Variants in SSH2 observed in about 807,000 individuals in gnomAD.
SSH2 encodes protein phosphatase Slingshot homolog 2.
A neutral mutation model predicts 135.2 loss-of-function variants in SSH2; 37 were observed. The observed-to-expected ratio is 0.27, with a 90% CI of 0.21 to 0.36. The LOEUF is 0.36. SSH2 is among the 10% of genes least tolerant of loss of function. SSH2 has a pLI of 1.00. For synonymous variants in SSH2, 628 were observed against 646.2 expected, an observed-to-expected ratio of 0.97 and a Z score of 0.43; for missense variants, 1,408 against 1,765.3, an observed-to-expected ratio of 0.80 and a Z score of 3.63.
At chr17:29,646,555 A>T (rs2036375820) in intron 14 of SSH2, among the ~76,000 whole-genome samples, 1 of 152,152 alleles carries the variant, frequency 6.6e-6, no homozygotes, top group Admixed American at 6.5e-5. Flanking sequence ...GCCGGAGTGC[A>T]GTGGCGCGAT....
intron 3 of SSH2, chr17:29,716,695 AT>A (rs2039637204): frequency 1.6e-6 from 1 of 618,968 alleles, no homozygotes; most frequent in Non-Finnish European, 3.1e-6. Context: ...TTTTTGGTGA[AT>A]TACTGGAAGA....
At chr17:29,668,468 T>C (rs2037362816) in intron 9 of SSH2, among the ~76,000 whole-genome samples, 1 of 152,228 alleles carries the variant, frequency 6.6e-6, no homozygotes, top group Non-Finnish European at 1.5e-5. Context: ...CAGTGGTTAA[T>C]GCATGTAATC....
In SSH2 at chr17:29,714,152, C is replaced by G. The variant is rs373533627; in HGVS notation, c.189-11090G>C. On this transcript the variant is annotated intron_variant, in intron 3 of 15. Coordinates refer to ENST00000540801, the MANE Select transcript of SSH2 (RefSeq NM_001282129.2). ...CTGTCTGGACTCAAAAGTAAATGAC[C>G]TGAAAAGTTCTTTCTTAGTATTTAA... is the stretch of plus-strand genomic sequence containing the variant. Among the ~76,000 whole-genome samples the G allele has an allele frequency of 1.9e-4, 29 of 152,050 alleles. No homozygotes were observed. The East Asian group carries it at 5.4e-3, about 28-fold the overall frequency.
At chr17:29,648,533 A>G (rs574396240) in intron 13 of SSH2, among the ~76,000 whole-genome samples, 189 bp from the exon 14 acceptor site, 59 of 152,330 alleles carry the variant, frequency 3.9e-4, no homozygotes, top group African/African-American at 1.3e-3. Flanking sequence ...GAGGCAGCTC[A>G]CTACTAATTA....
intron 11 of SSH2, among the ~76,000 whole-genome samples, chr17:29,664,185 G>A (rs1412312118): frequency 2.0e-5 from 3 of 151,952 alleles, no homozygotes; most frequent in African/African-American, 7.3e-5. Flanking sequence ...CAGTCTGGCC[G>A]ACATAATGAA....
At chr17:29,871,553 T>C (rs2065936852) in intron 1 of SSH2, among the ~76,000 whole-genome samples, 1 of 152,238 alleles carries the variant, frequency 6.6e-6, no homozygotes, top group Non-Finnish European at 1.5e-5. Flanking sequence ...AAAGATACAC[T>C]GTTCTATTTA....
intron 2 of SSH2, among the ~76,000 whole-genome samples, chr17:29,823,401 C>A (rs928587093): frequency 6.6e-6 from 1 of 152,168 alleles, no homozygotes; most frequent in Admixed American, 6.5e-5. Context: ...GACCCTTGCA[C>A]TGGGCTAATG....
chr17:29,886,331 C>T (rs1025037415), intron 1 of SSH2, among the ~76,000 whole-genome samples: 1 of 152,126 alleles, frequency 6.6e-6, no homozygotes, highest in Non-Finnish European at 1.5e-5. Flanking sequence ...AGCAAAGAGA[C>T]TGGTGGCATT....
Position 29,672,009 on chromosome 17 carries a change from G to A in SSH2, c.735C>T (p.Ser245=), listed in dbSNP as rs1478136044. 1.2e-6 allele frequency: 2 copies of A among 1,614,172 alleles called. No homozygotes were observed. The highest frequency in any genetic ancestry group is 1.7e-6 in the Non-Finnish European group (2 of 1,180,020). The part of the protein sequence containing the change: ...YYESHINSDQ[S]SVNEWNAMQD... ...GCATTGCATTCCATTCATTGACTGA[G>A]GATTGATCTGAGTTGATATGGCTCT... is the stretch of plus-strand genomic sequence containing the variant. Residue 245 remains serine (S), a synonymous_variant, in exon 9 of 16, where the codon TCC becomes TCT. Coordinates refer to ENST00000540801, the MANE Select transcript of SSH2 (RefSeq NM_001282129.2).
intron 1 of SSH2, among the ~76,000 whole-genome samples, chr17:29,860,360 T>C (rs1029348767): frequency 1.3e-5 from 2 of 152,208 alleles, no homozygotes; most frequent in Non-Finnish European, 2.9e-5. Context: ...TGATCAGTGA[T>C]GTTGAGCTTT....
chr17:29,695,043 G>C (rs1336527386), intron 5 of SSH2, among the ~76,000 whole-genome samples: 1 of 152,146 alleles, frequency 6.6e-6, no homozygotes, highest in Admixed American at 6.6e-5. Flanking sequence ...CACGTCTCCT[G>C]AGTCTGAAGC....
intron 12 of SSH2, among the ~76,000 whole-genome samples, chr17:29,651,458 T>C (rs2036575205): frequency 6.6e-6 from 1 of 152,240 alleles, no homozygotes; most frequent in African/African-American, 2.4e-5. Flanking sequence ...CACACTAAGA[T>C]GCTTGCAGAA....
intron 2 of SSH2, among the ~76,000 whole-genome samples, chr17:29,841,321 A>C (rs2043037171): frequency 6.6e-6 from 1 of 152,242 alleles, no homozygotes; most frequent in Admixed American, 6.5e-5. Flanking sequence ...TATAAAACAC[A>C]AAGTATAAAG....
chr17:29,716,621 C>T (rs2039633779), intron 3 of SSH2: 1 of 675,910 alleles, frequency 1.5e-6, no homozygotes, highest in African/African-American at 1.8e-5. Context: ...AGGAACAACT[C>T]CATCTTTTCT....
At chr17:29,864,667 C>T (rs142333053) in intron 1 of SSH2, among the ~76,000 whole-genome samples, 4 of 144,010 alleles carry the variant, frequency 2.8e-5, no homozygotes, top group East Asian at 4.2e-4. Flanking sequence ...AAAGAAACAA[C>T]GCTGTCATCT....
intron 3 of SSH2, among the ~76,000 whole-genome samples, chr17:29,725,347 CAAAAAA>C (rs11449000): frequency 1.9e-5 from 1 of 52,790 alleles, no homozygotes; most frequent in African/African-American, 8.6e-5. Flanking sequence ...AATCAGTCTC[CAAAAAA>C]AAAAAAAAAA....
intron 1 of SSH2, among the ~76,000 whole-genome samples, chr17:29,865,543 A>G (rs2065838978): frequency 6.6e-6 from 1 of 152,228 alleles, no homozygotes; most frequent in Non-Finnish European, 1.5e-5. Context: ...AGAATCATGG[A>G]TACCAAGAAT....
rs972039887 is a variant in SSH2, at chr17:29,627,620, A to G, written c.*3221T>C. 2.6e-5 allele frequency: 4 copies of G among 152,668 alleles called. No homozygotes were observed. The highest frequency in any genetic ancestry group is 9.6e-5 in the African/African-American group (4 of 41,460). 9.5% of individuals were successfully genotyped at this position (152,668 alleles called of 1,614,324 possible). A position where few individuals can be genotyped will look rare whatever the true frequency, so the allele number is the denominator to read the frequency against. On this transcript the variant is annotated 3_prime_UTR_variant, in exon 16 of 16. Transcript: ENST00000540801. ...ACCAGGAAAATACTAAAGATCCTGA[A>G]GAGACTAAGATGATAGGAATGATCC...
In SSH2 at chr17:29,859,990, G is replaced by A. The variant is rs542990816; in HGVS notation, c.64-11061C>T. ...ACCTCCTGAGTAGCTGGGATTACAG[G>A]TGCCCACCACCAAGCCCAGCTAATT... On this transcript the variant is annotated intron_variant, in intron 1 of 15. Coordinates refer to ENST00000540801, the MANE Select transcript of SSH2 (RefSeq NM_001282129.2). Among the ~76,000 whole-genome samples, 69 of 152,218 alleles carry A rather than the reference G, an allele frequency of 4.5e-4. 2 individuals carry two copies. In the South Asian group the frequency reaches 0.013, roughly 29 times the overall value.
Sources: allele counts gnomAD v4.1 joint callset (sites outside exome capture counted in the v4.1 genomes callset), GRCh38; gene constraint gnomAD v4.1.1; transcripts MANE v1.5; gene names NCBI Gene and HGNC (gene_info 2026-07-23, HGNC 2026-07-21).